DNAH3: variants seen among roughly 807,000 people sequenced by gnomAD.
The protein encoded by DNAH3 is dynein axonemal heavy chain 3.
A neutral mutation model predicts 432.5 loss-of-function variants in DNAH3; 332 were observed. That is an observed-to-expected ratio of 0.77 (90% CI 0.70 to 0.84). The LOEUF is 0.84. Ranked by LOEUF, DNAH3 falls within the 40% of genes least tolerant of loss-of-function variation. The pLI is 0.00. For missense variants in DNAH3, 4,861 were observed against 5,114.0 expected, an observed-to-expected ratio of 0.95 and a Z score of 1.51; for synonymous variants, 1,956 against 1,900.2, an observed-to-expected ratio of 1.03 and a Z score of -0.76.
intron 41 of DNAH3, among the ~76,000 whole-genome samples, chr16:21,013,420 G>A (rs1177521573): frequency 6.6e-6 from 1 of 151,824 alleles, no homozygotes; most frequent in Admixed American, 6.6e-5. Context: ...AGAGAAGACA[G>A]CACTAATATC....
Position 21,159,279 on chromosome 16 carries a change from C to T in DNAH3, c.117+46G>A, listed in dbSNP as rs749935933. The T allele has an allele frequency of 2.6e-6, 4 of 1,527,432 alleles. No homozygotes were observed. The South Asian group carries it at 4.5e-5, about 17-fold the overall frequency. The allele number at this position is 1,527,432 out of a possible 1,614,324, so 94.6% of individuals were successfully genotyped here. On this transcript the variant is annotated intron_variant, in intron 1 of 61. Transcript: ENST00000261383. The stretch of plus-strand genomic sequence containing the variant: ...AGTACTCGACTCCCCTCTGAGTTCC[C>T]ATTATTCAGTCTCTGTGCCTTCTGG...
At chr16:21,091,577 G>T (rs975122414) in intron 18 of DNAH3, among the ~76,000 whole-genome samples, 4 of 152,132 alleles carry the variant, frequency 2.6e-5, no homozygotes, top group African/African-American at 9.7e-5. Flanking sequence ...CAGCACTTTG[G>T]GAGGCCAAGG....
chr16:20,965,198 G>A lies in DNAH3; in HGVS notation c.8686C>T (p.Arg2896Cys), dbSNP rs770350994. The change falls in exon 53 of 62, where the codon CGC becomes TGC. Residue 2896 changes from arginine (R) to cysteine (C), a missense_variant. By Grantham distance (180) the Arg-to-Cys change is radical. Transcript: ENST00000261383. ...TTGGGAGCCACCACCTTGGCCACGC[G>A]ATCGTACACCTCCATGGCCCTCACC... 3.4e-5 allele frequency: 55 copies of A among 1,613,826 alleles called. No homozygotes were observed. The East Asian group carries it at 6.9e-4, about 20-fold the overall frequency.
intron 51 of DNAH3, among the ~76,000 whole-genome samples, chr16:20,971,770 T>G (rs1006641360): frequency 6.6e-6 from 1 of 152,232 alleles, no homozygotes; most frequent in Non-Finnish European, 1.5e-5. Flanking sequence ...GCTGTTTTCC[T>G]TCCCTCTGCG....
chr16:21,008,547 T>C (rs570884553), intron 41 of DNAH3, among the ~76,000 whole-genome samples: 1 of 152,260 alleles, frequency 6.6e-6, no homozygotes, highest in South Asian at 2.1e-4. Flanking sequence ...CCACGCAGCA[T>C]AGGGTTCTGG....
intron 5 of DNAH3, among the ~76,000 whole-genome samples, chr16:21,138,303 C>T (rs934695960): frequency 1.3e-5 from 2 of 151,698 alleles, no homozygotes; most frequent in Admixed American, 6.6e-5. Flanking sequence ...TTGTTACTCT[C>T]GCCTCTCTCC....
intron 18 of DNAH3, among the ~76,000 whole-genome samples, chr16:21,088,105 A>G (rs2091432478): frequency 6.6e-6 from 1 of 152,122 alleles, no homozygotes; most frequent in Non-Finnish European, 1.5e-5. Context: ...AACTTACTCA[A>G]AAACACTTCT....
chr16:21,084,279 A>G (rs1263472787), intron 19 of DNAH3, among the ~76,000 whole-genome samples: 1 of 152,088 alleles, frequency 6.6e-6, no homozygotes, highest in African/African-American at 2.4e-5. Context: ...TACATTTTCA[A>G]TATCATCATT....
intron 53 of DNAH3, among the ~76,000 whole-genome samples, chr16:20,962,936 G>C (rs1344847471): frequency 6.6e-6 from 1 of 152,170 alleles, no homozygotes; most frequent in Non-Finnish European, 1.5e-5. Flanking sequence ...TGGGATTACA[G>C]GCATAAGCCA....
intron 42 of DNAH3, among the ~76,000 whole-genome samples, chr16:21,001,327 G>A (rs2087007468): frequency 6.6e-6 from 1 of 152,082 alleles, no homozygotes; most frequent in Admixed American, 6.6e-5. Flanking sequence ...CCTCTATGGG[G>A]GAAGATGATT....
chr16:21,131,025 T>C (rs553861177), intron 7 of DNAH3, among the ~76,000 whole-genome samples: 37 of 152,202 alleles, frequency 2.4e-4, no homozygotes, highest in Non-Finnish European at 4.0e-4. Context: ...ATTGTTATGA[T>C]GATTCCCATT....
chr16:21,073,747 C>T (rs969733776), intron 21 of DNAH3, among the ~76,000 whole-genome samples: 4 of 152,110 alleles, frequency 2.6e-5, no homozygotes, highest in African/African-American at 9.7e-5. Flanking sequence ...AGACAGCCGG[C>T]CATAAGGAAA....
At chr16:20,987,656 G>A in intron 46 of DNAH3, 37 bp downstream of exon 46, 1 of 1,607,512 alleles carries the variant, frequency 6.2e-7, no homozygotes, top group Non-Finnish European at 8.5e-7. Flanking sequence ...CCAAGGATAT[G>A]CTGAATGATC....
chr16:21,138,315 A>G (rs2092671458), intron 5 of DNAH3, among the ~76,000 whole-genome samples: 4 of 152,004 alleles, frequency 2.6e-5, no homozygotes, highest in Admixed American at 1.3e-4. Context: ...CCTCTCTCCA[A>G]CGTTAGTAAA....
chr16:21,124,645 C>CT (rs11352383), intron 9 of DNAH3, among the ~76,000 whole-genome samples: 158 of 146,354 alleles, frequency 1.1e-3, no homozygotes, highest in Middle Eastern at 3.6e-3. Context: ...CAAACATTTA[C>CT]TTTTTTTTTT....
At chr16:20,945,120 A>G (rs1441056545) in intron 57 of DNAH3, among the ~76,000 whole-genome samples, 1 of 152,218 alleles carries the variant, frequency 6.6e-6, no homozygotes, top group Non-Finnish European at 1.5e-5. Flanking sequence ...ACAGGTCACA[A>G]AGACCTTGCT....
At chr16:21,008,186 C>T (rs2087409374) in intron 41 of DNAH3, among the ~76,000 whole-genome samples, 1 of 151,926 alleles carries the variant, frequency 6.6e-6, no homozygotes, top group Non-Finnish European at 1.5e-5. Context: ...GTTAAACATT[C>T]TCTCTCTCTC....
chr16:20,990,112 GCTC>G (rs1174905943), intron 44 of DNAH3, among the ~76,000 whole-genome samples: 1 of 152,224 alleles, frequency 6.6e-6, no homozygotes, highest in Non-Finnish European at 1.5e-5. Flanking sequence ...GGGCTGAAGG[GCTC>G]CTCAAGTGCC....
chr16:21,043,328 C>T, intron 31 of DNAH3, among the ~76,000 whole-genome samples: 1 of 140,770 alleles, frequency 7.1e-6, no homozygotes, highest in Non-Finnish European at 1.5e-5. Flanking sequence ...TCCTCTCCAG[C>T]ACCTGTTGTT....
Sources: allele counts gnomAD v4.1 joint callset (sites outside exome capture counted in the v4.1 genomes callset), GRCh38; gene constraint gnomAD v4.1.1; transcripts MANE v1.5; gene names NCBI Gene and HGNC (gene_info 2026-07-23, HGNC 2026-07-21).